Variants in KLHL32 observed in about 807,000 individuals in gnomAD.
The protein encoded by KLHL32 is kelch like family member 32, also known as kelch-like protein 32.
A neutral mutation model predicts 64.8 loss-of-function variants in KLHL32; 35 were observed. The observed-to-expected ratio is 0.54, with a 90% confidence interval of 0.41 to 0.72. KLHL32 has a LOEUF of 0.72. Among genes scored for constraint, KLHL32 ranks in the 30% least tolerant of loss-of-function variants. The pLI, the probability that KLHL32 is intolerant of heterozygous loss-of-function variation, is 0.00. For missense variants in KLHL32, 589 were observed against 768.5 expected (o/e 0.77, Z 2.76); for synonymous variants, 259 against 281.0 (o/e 0.92, Z 0.78).
intron 9 of KLHL32, 88 bp from the exon 10 acceptor site, chr6:97,132,565 A>G: frequency 1.0e-6 from 1 of 976,768 alleles, no homozygotes; most frequent in East Asian, 2.5e-5. Flanking sequence ...GCCACAAAGG[A>G]AAATTGTATC....
intron 6 of KLHL32, among the ~76,000 whole-genome samples, chr6:97,100,965 G>A (rs886727037): frequency 2.5e-4 from 11 of 43,254 alleles, no homozygotes; most frequent in Admixed American, 3.7e-4. Context: ...CTGCAGCCAA[G>A]CTTTTTTTTT....
In KLHL32 at chr6:97,139,605, T is replaced by C. The variant is rs144611636; in HGVS notation, c.*323T>C. On this transcript the variant is annotated 3_prime_UTR_variant, in exon 11 of 11. Coordinates refer to ENST00000369261, the MANE Select transcript of KLHL32 (RefSeq NM_052904.4). ...CTGTCTTAAGACAACATAACACTGT[T>C]AGTAAGGCAATTTATTGGACACAAT... is the stretch of plus-strand genomic sequence containing the variant. 2 of 192,820 alleles carry C rather than the reference T, an allele frequency of 1.0e-5. No individual in the cohort carries two copies. Among genetic ancestry groups the C allele is most frequent in the African/African-American group, 2.3e-5 (1 of 42,934 alleles). 11.9% of individuals were successfully genotyped at this position (192,820 alleles called of 1,614,324 possible).
chr6:97,038,118 T>A (rs1315008880), intron 3 of KLHL32, among the ~76,000 whole-genome samples: 1 of 152,118 alleles, frequency 6.6e-6, no homozygotes, highest in East Asian at 1.9e-4. Flanking sequence ...GGGCAAAGGC[T>A]TTTTGGGATT....
intron 6 of KLHL32, among the ~76,000 whole-genome samples, chr6:97,113,136 C>A (rs536640915): frequency 2.0e-5 from 3 of 152,072 alleles, no homozygotes; most frequent in Non-Finnish European, 4.4e-5. Context: ...CAACTGTCTT[C>A]AAGGTAAAAG....
At chr6:96,977,188 C>A (rs1323231034) in intron 3 of KLHL32, among the ~76,000 whole-genome samples, 1 of 152,158 alleles carries the variant, frequency 6.6e-6, no homozygotes, top group Non-Finnish European at 1.5e-5. Flanking sequence ...TTGATCCTCA[C>A]AACAACCCAT....
the KLHL32 span, among the ~76,000 whole-genome samples, chr6:96,900,679 A>C: frequency 2.0e-5 from 3 of 152,146 alleles, no homozygotes; most frequent in Non-Finnish European, 4.4e-5. Context: ...TTTGAACATA[A>C]TTCAACAGCA....
intron 6 of KLHL32, among the ~76,000 whole-genome samples, chr6:97,092,705 A>C (rs182564938): frequency 4.6e-5 from 7 of 152,170 alleles, no homozygotes; most frequent in African/African-American, 1.7e-4. Context: ...TTTCCTTCTA[A>C]TCTATATGCG....
chr6:97,112,567 C>T (rs1017144312), intron 6 of KLHL32, among the ~76,000 whole-genome samples: 2 of 151,922 alleles, frequency 1.3e-5, no homozygotes, highest in Admixed American at 1.3e-4. Context: ...CTGCCTCAGC[C>T]TCCCGAGTAG....
intron 3 of KLHL32, among the ~76,000 whole-genome samples, chr6:97,011,263 G>T (rs763491968): frequency 2.0e-4 from 31 of 152,174 alleles, no homozygotes; most frequent in Non-Finnish European, 3.8e-4. Flanking sequence ...TTTGAATCCT[G>T]CAAGAGGTGG....
intron 6 of KLHL32, 125 bp from the exon 7 acceptor site, chr6:97,113,658 C>A (rs1170201607): frequency 8.0e-7 from 1 of 1,254,092 alleles, no homozygotes; most frequent in Non-Finnish European, 1.1e-6. Context: ...TCCAGTTATA[C>A]TGTTTGTAAG....
At chr6:96,914,231 C>G in the KLHL32 span, among the ~76,000 whole-genome samples, 1 of 152,162 alleles carries the variant, frequency 6.6e-6, no homozygotes, top group East Asian at 1.9e-4. Flanking sequence ...GAGACCCATG[C>G]TAGATTTCTA....
In KLHL32 at chr6:97,015,827, T is replaced by G. The variant is rs114991261; in HGVS notation, c.205-25665T>G. Among the ~76,000 whole-genome samples the G allele has an allele frequency of 2.8e-3, 427 of 152,112 alleles. 3 individuals are homozygous for G. Among genetic ancestry groups the G allele is most frequent in the African/African-American group, 9.4e-3 (389 of 41,498 alleles). On this transcript the variant is annotated intron_variant, in intron 3 of 10. Transcript: ENST00000369261. ...ATGGAGGCCTAGGAGGAAAATATGG[T>G]TTCATGGGTCGGCCCGTCACTATGT... is the stretch of plus-strand genomic sequence containing the variant.
intron 3 of KLHL32, among the ~76,000 whole-genome samples, chr6:96,998,536 T>A (rs535176826): frequency 6.6e-6 from 1 of 152,354 alleles, no homozygotes; most frequent in East Asian, 1.9e-4. Flanking sequence ...AAATATTTAC[T>A]ACTGTCCTAA....
chr6:97,072,785 G>A (rs541180370), intron 5 of KLHL32, among the ~76,000 whole-genome samples: 1 of 152,126 alleles, frequency 6.6e-6, no homozygotes, highest in Admixed American at 6.5e-5. Flanking sequence ...TACTCAGTTG[G>A]AATTATATCT....
chr6:96,955,658 C>G (rs61627039), intron 1 of KLHL32, among the ~76,000 whole-genome samples: 19,672 of 152,178 alleles, frequency 0.13, 1,563 homozygotes, highest in East Asian at 0.26. Flanking sequence ...TACCCGAGGC[C>G]AGGCACGGTG....
rs2128043753 is a variant in KLHL32 at position 96,976,050 on chromosome 6, A to G, written c.77A>G (p.Asp26Gly). The G allele has an allele frequency of 1.2e-6, 2 of 1,604,166 alleles. No homozygotes were observed. The highest frequency in any genetic ancestry group is 2.3e-5 in the East Asian group (1 of 44,436). ...CTCTGCCACTCCGAATCTCACAATG[A>G]CAGTGTCCTGGCAGCGCTGAATCAG... ...QRLCHSESHNDSVLAALNQQR... is the reference protein window; with the variant it reads ...QRLCHSESHNGSVLAALNQQR... The change falls in exon 3 of 11, where the codon GAC becomes GGC. Residue 26 changes from aspartate (D) to glycine (G), a missense_variant. Transcript: ENST00000369261.
chr6:96,950,401 AG>A (rs1772431643), intron 1 of KLHL32, among the ~76,000 whole-genome samples: 1 of 152,126 alleles, frequency 6.6e-6, no homozygotes, highest in Non-Finnish European at 1.5e-5. Context: ...ACCCAGCTGA[AG>A]GAACTTCACC....
chr6:97,076,357 G>A (rs34371027), intron 5 of KLHL32, among the ~76,000 whole-genome samples: 4,244 of 152,282 alleles, frequency 0.028, 93 homozygotes, highest in Middle Eastern at 0.044. Flanking sequence ...AGTAATGATA[G>A]CTACTGTATG....
chr6:96,952,716 T>G (rs963798238), intron 1 of KLHL32, among the ~76,000 whole-genome samples: 1 of 152,242 alleles, frequency 6.6e-6, no homozygotes, highest in African/African-American at 2.4e-5. Context: ...TTTACTGCAC[T>G]GTAGTAAATG....
Sources: allele counts gnomAD v4.1 joint callset (sites outside exome capture counted in the v4.1 genomes callset), GRCh38; gene constraint gnomAD v4.1.1; transcripts MANE v1.5; gene names NCBI Gene and HGNC (gene_info 2026-07-23, HGNC 2026-07-21).